The following ERBB4 variants were observed in gnomAD, a reference collection of about 807,000 sequenced individuals.
The protein encoded by ERBB4 is erb-b2 receptor tyrosine kinase 4.
ERBB4 carries 42 observed loss-of-function variants against 158.0 expected under a neutral mutation model. That is an observed-to-expected ratio of 0.27 (90% confidence interval 0.21 to 0.34). The LOEUF (loss-of-function observed/expected upper bound fraction) is 0.34. Among genes scored for constraint, ERBB4 ranks in the 10% least tolerant of loss-of-function variants. The pLI, the probability that ERBB4 is intolerant of heterozygous loss-of-function variation, is 1.00. For missense variants in ERBB4, 1,333 were observed against 1,624.1 expected, an observed-to-expected ratio of 0.82 and a Z score of 3.08; for synonymous variants, 583 against 558.7, an observed-to-expected ratio of 1.04 and a Z score of -0.61.
chr2:211,766,528 T>G (rs1351745654), intron 4 of ERBB4, among the ~76,000 whole-genome samples: 1 of 152,268 alleles, frequency 6.6e-6, no homozygotes, highest in East Asian at 1.9e-4. Context: ...ATCTTCCTTT[T>G]GCTTTCTAGT....
intron 1 of ERBB4, among the ~76,000 whole-genome samples, chr2:212,516,437 G>A (rs1280646151): frequency 2.6e-5 from 4 of 151,970 alleles, no homozygotes; most frequent in Admixed American, 2.6e-4. Context: ...CAGACAACAT[G>A]AGTTCCAGTC....
rs1693232133 is a variant in ERBB4, at chr2:212,538,434, C to A, written c.82+15G>T. On this transcript the variant is annotated intron_variant, in intron 1 of 27. Coordinates refer to ENST00000342788, the MANE Select transcript of ERBB4 (RefSeq NM_005235.3). ...GGCTGCAGGTTCGGCGACCGGAGTG[C>A]CAGAAGGAACCCACCTGACTGAGAA... 6.2e-7 allele frequency: 1 copy of A among 1,612,756 alleles called. No individual in the cohort carries two copies. Among genetic ancestry groups the A allele is most frequent in the South Asian group, 1.1e-5 (1 of 91,060 alleles).
chr2:211,762,445 G>A (rs1301241840), intron 4 of ERBB4, among the ~76,000 whole-genome samples: 2 of 152,220 alleles, frequency 1.3e-5, no homozygotes, highest in Non-Finnish European at 2.9e-5. Flanking sequence ...CTCTTGTAGA[G>A]TTCAGGCTGG....
intron 16 of ERBB4, among the ~76,000 whole-genome samples, chr2:211,635,655 T>C (rs2070329804): frequency 6.6e-6 from 1 of 152,120 alleles, no homozygotes; most frequent in African/African-American, 2.4e-5. Flanking sequence ...CTCAAATGTT[T>C]TAAAAAACTA....
At chr2:211,399,019 C>T (rs2062978675) in intron 25 of ERBB4, among the ~76,000 whole-genome samples, 1 of 152,180 alleles carries the variant, frequency 6.6e-6, no homozygotes, top group Non-Finnish European at 1.5e-5. Flanking sequence ...GAGCCCTTTC[C>T]TCTCTCACCT....
At chr2:212,350,870 C>T (rs2089222179) in intron 1 of ERBB4, among the ~76,000 whole-genome samples, 1 of 152,110 alleles carries the variant, frequency 6.6e-6, no homozygotes, top group Non-Finnish European at 1.5e-5. Flanking sequence ...TCTGCATTGA[C>T]ACTGTGTTCT....
chr2:211,695,678 G>A (rs1051094984), intron 12 of ERBB4, among the ~76,000 whole-genome samples: 10 of 151,952 alleles, frequency 6.6e-5, no homozygotes, highest in Admixed American at 6.6e-5. Context: ...ATCTCCCAAT[G>A]GTTGATGTTT....
At chr2:212,179,415 C>G (rs2081783765) in intron 1 of ERBB4, among the ~76,000 whole-genome samples, 1 of 148,346 alleles carries the variant, frequency 6.7e-6, no homozygotes, top group South Asian at 2.1e-4. Flanking sequence ...GGCTATAGTT[C>G]TTAGGTTTAA....
chr2:211,864,914 G>A (rs1199494577), intron 3 of ERBB4, among the ~76,000 whole-genome samples: 4 of 152,152 alleles, frequency 2.6e-5, no homozygotes, highest in Non-Finnish European at 5.9e-5. Context: ...GGGAGGGTGA[G>A]GCAGGAGAAT....
chr2:212,029,695 C>G (rs1385719587), intron 2 of ERBB4, among the ~76,000 whole-genome samples: 1 of 152,088 alleles, frequency 6.6e-6, no homozygotes, highest in African/African-American at 2.4e-5. Context: ...TCATCTCATA[C>G]AGTCTTCCAA....
intron 1 of ERBB4, among the ~76,000 whole-genome samples, chr2:212,373,826 T>TGTATATATCC: frequency 2.5e-5 from 1 of 40,562 alleles, no homozygotes; most frequent in South Asian, 8.2e-4. Context: ...TATATATCCA[T>TGTATATATCC]ATATATATAT....
intron 20 of ERBB4, among the ~76,000 whole-genome samples, chr2:211,548,939 A>G (rs1344140775): frequency 6.6e-6 from 1 of 152,134 alleles, no homozygotes; most frequent in African/African-American, 2.4e-5. Context: ...CCAACATTTC[A>G]ATAGACTCTG....
chr2:212,167,524 C>T (rs1055959830), intron 1 of ERBB4, among the ~76,000 whole-genome samples: 10 of 152,114 alleles, frequency 6.6e-5, no homozygotes, highest in South Asian at 2.1e-4. Context: ...TTATGGAAGA[C>T]AGTATGGCTA....
intron 25 of ERBB4, among the ~76,000 whole-genome samples, chr2:211,413,072 G>T (rs984863210): frequency 2.0e-5 from 3 of 151,966 alleles, no homozygotes; most frequent in Admixed American, 2.0e-4. Flanking sequence ...AAGGAGGGAG[G>T]ATTGCTTGAG....
chr2:211,535,544 G>C (rs2066621458), intron 20 of ERBB4: 1 of 151,476 alleles, frequency 6.6e-6, no homozygotes, highest in African/African-American at 2.4e-5. Context: ...CTCTAGTGCT[G>C]CTGGGAAAAA....
intron 15 of ERBB4, among the ~76,000 whole-genome samples, chr2:211,660,877 A>G (rs1338976595): frequency 2.0e-5 from 3 of 152,246 alleles, no homozygotes; most frequent in Non-Finnish European, 4.4e-5. Context: ...CATGGAAGTC[A>G]AATCAGAAAA....
intron 1 of ERBB4, among the ~76,000 whole-genome samples, chr2:212,303,530 G>A (rs1197413981): frequency 6.6e-6 from 1 of 151,378 alleles, no homozygotes; most frequent in Non-Finnish European, 1.5e-5. Context: ...CCTGAAAGTT[G>A]TAAAAATTGG....
At chr2:211,588,453 T>C (rs2068357253) in intron 19 of ERBB4, among the ~76,000 whole-genome samples, 1 of 152,150 alleles carries the variant, frequency 6.6e-6, no homozygotes, top group Non-Finnish European at 1.5e-5. Flanking sequence ...AATAGGTAGC[T>C]AAAAGAATGA....
chr2:211,580,824 T>TATA (rs1491111562), intron 19 of ERBB4, among the ~76,000 whole-genome samples: 1 of 13,482 alleles, frequency 7.4e-5, no homozygotes, highest in Non-Finnish European at 4.4e-4. Flanking sequence ...TATATATATA[T>TATA]TATATATATA....
Sources: allele counts gnomAD v4.1 joint callset (sites outside exome capture counted in the v4.1 genomes callset), GRCh38; gene constraint gnomAD v4.1.1; transcripts MANE v1.5; gene names NCBI Gene and HGNC (gene_info 2026-07-23, HGNC 2026-07-21).